Variants in EVC2 observed in about 807,000 individuals in gnomAD.
EVC2 encodes the protein EvC ciliary complex subunit 2.
Under a neutral mutation model 149.3 loss-of-function variants are expected in EVC2, and 148 were observed. The observed-to-expected ratio is 0.99, with a 90% confidence interval of 0.87 to 1.14. The LOEUF (loss-of-function observed/expected upper bound fraction) is 1.14. Among genes scored for constraint, EVC2 ranks in the 50% most tolerant of loss-of-function variants. EVC2 has a pLI of 0.00. For missense variants in EVC2, 1,854 were observed against 1,627.3 expected, an observed-to-expected ratio of 1.14 and a Z score of -2.40; for synonymous variants, 776 against 649.9, an observed-to-expected ratio of 1.19 and a Z score of -2.95.
intron 18 of EVC2, among the ~76,000 whole-genome samples, chr4:5,575,314 A>T (rs760338609): frequency 7.2e-5 from 11 of 152,314 alleles, no homozygotes; most frequent in Middle Eastern, 3.4e-3. Context: ...GTGCAACTCA[A>T]ATCAAAAGTT....
At position 5,657,344 on chromosome 4, in the gene EVC2, A is replaced by AC. The variant is rs1718589896; in HGVS notation, c.1145+5762dup. On this transcript the variant is annotated intron_variant, in intron 9 of 21. Coordinates refer to ENST00000344408, the MANE Select transcript of EVC2 (RefSeq NM_147127.5). The surrounding 1 kb of genome is among the most constrained non-coding windows in gnomAD (Gnocchi z 4.7). ...CCACGTATCTGCTGCATCTACACAG[A>AC]CTCTGCCATCCTTCCTACCATGACA... Among the ~76,000 whole-genome samples, 1 of 151,622 alleles carries AC rather than the reference A, an allele frequency of 6.6e-6. No individual in the cohort carries two copies. The highest frequency in any genetic ancestry group is 2.1e-4 in the South Asian group (1 of 4,786).
At position 5,562,530 on chromosome 4, in the gene EVC2, C is replaced by T. The variant is rs1473314994; in HGVS notation, c.*318G>A. 3.6e-5 allele frequency: 45 copies of T among 1,238,434 alleles called. No homozygotes were observed. Among genetic ancestry groups the T allele is most frequent in the Non-Finnish European group, 4.3e-5 (42 of 984,788 alleles). The allele number at this position is 1,238,434 out of a possible 1,614,324, so 76.7% of individuals were successfully genotyped here. ...ACATAAGAGTAGAGAATCTGGCTGTCACCACACAGACCATAGCTTCTGCAG... is the reference window on the plus strand; with the variant it reads ...ACATAAGAGTAGAGAATCTGGCTGTTACCACACAGACCATAGCTTCTGCAG... On this transcript the variant is annotated 3_prime_UTR_variant, in exon 22 of 22. Transcript: ENST00000344408. This position sits in a 1 kb window ranked among gnomAD's most constrained non-coding sequence, Gnocchi z 4.3.
intron 17 of EVC2, among the ~76,000 whole-genome samples, chr4:5,583,228 T>C (rs1159840759): frequency 6.6e-6 from 1 of 152,226 alleles, no homozygotes; most frequent in Non-Finnish European, 1.5e-5. Context: ...CATAATGTAT[T>C]AATTTTTTAT....
At chr4:5,616,205 C>A (rs1715235489) in intron 15 of EVC2, among the ~76,000 whole-genome samples, 1 of 152,288 alleles carries the variant, frequency 6.6e-6, no homozygotes, top group East Asian at 1.9e-4. Context: ...CCTTCCCTCT[C>A]CCCTGAGAAC....
At chr4:5,584,400 T>A (rs1385806550) in intron 17 of EVC2, among the ~76,000 whole-genome samples, 2 of 152,180 alleles carry the variant, frequency 1.3e-5, no homozygotes, top group Non-Finnish European at 2.9e-5. Flanking sequence ...GTTTCAGAGA[T>A]GTTAAAATCC....
At chr4:5,552,874 T>C (rs756047366) in intron 21 of EVC2, among the ~76,000 whole-genome samples, 7 of 152,154 alleles carry the variant, frequency 4.6e-5, no homozygotes, top group Non-Finnish European at 7.3e-5. Flanking sequence ...TGAGTGATGA[T>C]CTGTGCATAC....
intron 21 of EVC2, among the ~76,000 whole-genome samples, chr4:5,549,251 G>T (rs909625140): frequency 6.6e-6 from 1 of 152,062 alleles, no homozygotes; most frequent in African/African-American, 2.4e-5. Flanking sequence ...AACCTGTACT[G>T]GGTACCCGGG....
chr4:5,704,903 T>C (rs1722038664), intron 1 of EVC2, among the ~76,000 whole-genome samples: 3 of 151,678 alleles, frequency 2.0e-5, no homozygotes, highest in Admixed American at 1.3e-4. Context: ...GAGATGGGGG[T>C]CTCACTATGT....
rs536323056 is a variant in EVC2, at chr4:5,672,777, CAT to C, written c.871-7130_871-7129del. On this transcript the variant is annotated intron_variant, in intron 7 of 21. Transcript: ENST00000344408. ...GCCAAACGTCCTGATGAATAAAGAA[CAT>C]GTGTATATCCATATAATGGACTATT... Among the ~76,000 whole-genome samples the C allele has an allele frequency of 2.8e-4, 42 of 152,322 alleles. No homozygotes were observed. In the East Asian group the frequency reaches 7.7e-3, roughly 28 times the overall value.
At chr4:5,581,482 G>A (rs186909278) in intron 17 of EVC2, among the ~76,000 whole-genome samples, 29 of 152,328 alleles carry the variant, frequency 1.9e-4, no homozygotes, top group African/African-American at 6.7e-4. Flanking sequence ...AAACAGACTG[G>A]TGGCATTGTG....
At chr4:5,536,654 G>T in the EVC2 span, among the ~76,000 whole-genome samples, 1 of 151,878 alleles carries the variant, frequency 6.6e-6, no homozygotes, top group Non-Finnish European at 1.5e-5. Flanking sequence ...CATGGTGGCG[G>T]GCACCTGTAG....
At chr4:5,673,856 G>C (rs1719824815) in intron 7 of EVC2, among the ~76,000 whole-genome samples, 1 of 152,162 alleles carries the variant, frequency 6.6e-6, no homozygotes, top group African/African-American at 2.4e-5. Flanking sequence ...TGTTAGCAAT[G>C]GTTCTCCCTG....
At chr4:5,674,650 A>G (rs1719877430) in intron 7 of EVC2, among the ~76,000 whole-genome samples, 1 of 152,184 alleles carries the variant, frequency 6.6e-6, no homozygotes, top group Admixed American at 6.5e-5. Context: ...CCCAAAGAAC[A>G]GGTAAGCTAA....
At position 5,631,837 on chromosome 4, in the gene EVC2, G is replaced by T. The variant is rs886059491; in HGVS notation, c.1666C>A (p.Pro556Thr). The T allele has an allele frequency of 6.2e-7, 1 of 1,614,160 alleles. No individual in the cohort carries two copies. The highest frequency in any genetic ancestry group is 8.5e-7 in the Non-Finnish European group (1 of 1,179,982). The change falls in exon 11 of 22, where the codon CCA (proline) becomes ACA (threonine). Residue 556 changes from proline (P) to threonine (T), a missense_variant. By Grantham distance (38) the Pro-to-Thr change is conservative. Coordinates refer to ENST00000344408, the MANE Select transcript of EVC2 (RefSeq NM_147127.5). ...KSAIFKGELK[P>T]EAAKMLLQNY... ...TGCAGCAGCATTTTAGCTGCCTCTG[G>T]TTTCAATTCCCCTTTGAAAATAGCA...
Position 5,657,720 on chromosome 4 carries a change from A to G in EVC2, c.1145+5387T>C, listed in dbSNP as rs1718617909. Among the ~76,000 whole-genome samples, 1 of 145,612 alleles carries G rather than the reference A, an allele frequency of 6.9e-6. No individual in the cohort carries two copies. Among genetic ancestry groups the G allele is most frequent in the Non-Finnish European group, 1.5e-5 (1 of 66,910 alleles). Reference sequence around the variant, plus strand: ...TTACTGCTCAGGTGGGTAAGATGAAATACAACAACATTAATTTGAAAAAGA... The same window carrying G: ...TTACTGCTCAGGTGGGTAAGATGAAGTACAACAACATTAATTTGAAAAAGA... On this transcript the variant is annotated intron_variant, in intron 9 of 21. Transcript: ENST00000344408. The surrounding 1 kb of genome is among the most constrained non-coding windows in gnomAD (Gnocchi z 4.7).
chr4:5,596,180 G>A (rs1241488885), intron 16 of EVC2, among the ~76,000 whole-genome samples: 1 of 152,054 alleles, frequency 6.6e-6, no homozygotes, highest in Non-Finnish European at 1.5e-5. Context: ...AGTTAACAAG[G>A]ATACCCAGGA....
chr4:5,631,732 G>C, intron 11 of EVC2, 61 bp downstream of exon 11: 1 of 1,602,418 alleles, frequency 6.2e-7, no homozygotes, highest in African/African-American at 1.3e-5. Context: ...TGAGAGAGGA[G>C]ACATTTACTG....
chr4:5,651,300 T>C (rs548920744), intron 9 of EVC2, among the ~76,000 whole-genome samples: 1 of 151,746 alleles, frequency 6.6e-6, no homozygotes, highest in African/African-American at 2.4e-5. Context: ...GGTGGACAGA[T>C]GGGTGAATGG....
At chr4:5,603,288 G>A (rs774792335) in intron 16 of EVC2, among the ~76,000 whole-genome samples, 17 of 152,164 alleles carry the variant, frequency 1.1e-4, no homozygotes, top group Non-Finnish European at 1.6e-4. Flanking sequence ...TGGTGCTTCA[G>A]GGAGATGAAT....
Sources: gnomAD v4.1 joint callset for allele counts (sites outside exome capture counted in the v4.1 genomes callset) on GRCh38, gnomAD v4.1.1 for gene constraint, Gnocchi (gnomAD v3.1) non-coding constraint, MANE v1.5 for transcripts, NCBI Gene and HGNC (gene_info 2026-07-23, HGNC 2026-07-21) for gene names.